PKHD1L1: variants seen among roughly 807,000 people sequenced by gnomAD.
PKHD1L1 encodes the protein fibrocystin-L.
PKHD1L1 carries 434 observed loss-of-function variants against 462.9 expected under a neutral mutation model. That is an observed-to-expected ratio of 0.94 (90% CI 0.87 to 1.02). The LOEUF is 1.02. Among genes scored for constraint, PKHD1L1 ranks in the 50% least tolerant of loss-of-function variants. The pLI is 0.00. For synonymous variants in PKHD1L1, 1,781 were observed against 1,750.0 expected (o/e 1.02, Z -0.44); for missense variants, 5,202 against 5,096.1 (o/e 1.02, Z -0.63).
chr8:109,369,756 T>C (rs1368158408), intron 2 of PKHD1L1, among the ~76,000 whole-genome samples: 3 of 152,240 alleles, frequency 2.0e-5, no homozygotes, highest in East Asian at 1.9e-4. Context: ...ATAAGCAAAG[T>C]TGACAAAAGG....
Position 109,406,353 on chromosome 8 carries a change from C to T in PKHD1L1, c.1688C>T (p.Ala563Val), listed in dbSNP as rs1306230488. The change falls in exon 17 of 78, where the codon GCT becomes GTT. Residue 563 changes from alanine (A) to valine (V), a missense_variant. Physicochemically the swap from Ala to Val is moderately conservative, Grantham distance 64 (BLOSUM62 0). Around this residue, in one of 3 missense-constraint regions of PKHD1L1, gnomAD observed 4,497 missense variants for 4,336.8 expected, o/e 1.04. Coordinates refer to ENST00000378402, the MANE Select transcript of PKHD1L1 (RefSeq NM_177531.6). ...MEKTVFLPAD[A>V]SEFILQSALN... Reference sequence around the variant, plus strand: ...ATCAAAGTCTTCCTACCTGCTGATGCTTCTGAATTCATACTGCAATCAGCC... The same window carrying T: ...ATCAAAGTCTTCCTACCTGCTGATGTTTCTGAATTCATACTGCAATCAGCC... The T allele has an allele frequency of 6.4e-7, 1 of 1,551,950 alleles. No homozygotes were observed. The highest frequency in any genetic ancestry group is 8.7e-7 in the Non-Finnish European group (1 of 1,147,458).
At chr8:109,476,743 A>G in intron 52 of PKHD1L1, 76 bp downstream of exon 52, 1 of 1,353,406 alleles carries the variant, frequency 7.4e-7, no homozygotes, top group Non-Finnish European at 1.0e-6. Flanking sequence ...TTAATAAGCA[A>G]ATGTGTTGTG....
chr8:109,527,112 T>C (rs1485700011), intron 77 of PKHD1L1, 92 bp downstream of exon 77: 3 of 1,065,188 alleles, frequency 2.8e-6, no homozygotes, highest in Non-Finnish European at 4.1e-6. Context: ...TTGTGCATGA[T>C]ATCACTGTGT....
Position 109,430,024 on chromosome 8 carries a change from A to G in PKHD1L1, c.3216A>G (p.Ile1072Met). The change falls in exon 27 of 78, where the codon ATA becomes ATG. Residue 1072 changes from isoleucine to methionine, a missense_variant. Physicochemically the swap from Ile to Met is conservative, Grantham distance 10 (BLOSUM62 1). Coordinates refer to ENST00000378402, the MANE Select transcript of PKHD1L1 (RefSeq NM_177531.6). The stretch of plus-strand genomic sequence containing the variant: ...ACATTACTCCCCTAGTCTTGGCGAT[A>G]AGCCCTTCTCAAGGTAACTTCCTGA... Reference protein sequence around the residue: ...DSNITPLVLAISPSQGSYEEG... With the variant: ...DSNITPLVLAMSPSQGSYEEG... 1 of 1,606,212 alleles carries G rather than the reference A, an allele frequency of 6.2e-7. No individual in the cohort carries two copies. Among genetic ancestry groups the G allele is most frequent in the Non-Finnish European group, 8.5e-7 (1 of 1,177,152 alleles).
chr8:109,364,436 G>A lies in PKHD1L1; in HGVS notation c.74-111G>A, dbSNP rs918624127. 6.4e-6 allele frequency: 5 copies of A among 783,088 alleles called. 1 individual carries two copies. The highest frequency in any genetic ancestry group is 1.0e-5 in the Non-Finnish European group (5 of 483,542). The allele number at this position is 783,088 out of a possible 1,614,324, so 48.5% of individuals were successfully genotyped here. A position where few individuals can be genotyped will look rare whatever the true frequency, so the allele number is the denominator to read the frequency against. The stretch of plus-strand genomic sequence containing the variant: ...CTGGGTGAATTTTACTTTCAATCCT[G>A]TAAACTTCATAATGTTTTCCTTGCA... On this transcript the variant is annotated intron_variant, in intron 1 of 77. Transcript: ENST00000378402.
chr8:109,524,152 C>A (rs917211903), intron 76 of PKHD1L1, among the ~76,000 whole-genome samples: 1 of 152,118 alleles, frequency 6.6e-6, no homozygotes, highest in East Asian at 1.9e-4. Flanking sequence ...AAACCGCTTA[C>A]GTTTGAGAAA....
Position 109,362,541 on chromosome 8 carries a change from T to TGCGA in PKHD1L1, c.-36_-33dup. 1 of 1,550,470 alleles carries TGCGA rather than the reference T, an allele frequency of 6.4e-7. No homozygotes were observed. The highest frequency in any genetic ancestry group is 8.8e-7 in the Non-Finnish European group (1 of 1,140,116). On this transcript the variant is annotated 5_prime_UTR_variant, in exon 1 of 78. Transcript: ENST00000378402. ...GCCGAGCTCCAGCACTAGAGCCAGC[T>TGCGA]GCGAGCGGAGGGCACCAACTCCGCA...
At chr8:109,399,104 G>A (rs577416787) in intron 12 of PKHD1L1, among the ~76,000 whole-genome samples, 12 of 152,178 alleles carry the variant, frequency 7.9e-5, no homozygotes, top group East Asian at 5.8e-4. Flanking sequence ...TGTTCGCACC[G>A]TGAATGTTGT....
intron 2 of PKHD1L1, among the ~76,000 whole-genome samples, chr8:109,368,714 T>G (rs1398837675): frequency 6.6e-6 from 1 of 152,202 alleles, no homozygotes; most frequent in Admixed American, 6.5e-5. Flanking sequence ...AAGTGCTGGC[T>G]TTAATAACAC....
intron 11 of PKHD1L1, among the ~76,000 whole-genome samples, chr8:109,398,246 A>T (rs895586080): frequency 2.0e-5 from 3 of 152,118 alleles, no homozygotes; most frequent in African/African-American, 7.2e-5. Flanking sequence ...CAGTCTTGTG[A>T]TTTTCCACCA....
intron 2 of PKHD1L1, among the ~76,000 whole-genome samples, chr8:109,381,165 C>A (rs1003862229): frequency 1.3e-5 from 2 of 152,102 alleles, no homozygotes; most frequent in African/African-American, 4.8e-5. Flanking sequence ...TACCCTCCAG[C>A]AATACTTTTA....
intron 23 of PKHD1L1, 60 bp from the exon 24 acceptor site, chr8:109,425,025 G>C (rs1236767714): frequency 7.5e-7 from 1 of 1,326,068 alleles, no homozygotes; most frequent in African/African-American, 1.5e-5. Context: ...TGATGAAATA[G>C]AAATCATGTA....
chr8:109,432,544 C>G (rs1041071325), intron 27 of PKHD1L1, among the ~76,000 whole-genome samples: 5 of 152,026 alleles, frequency 3.3e-5, no homozygotes, highest in African/African-American at 7.3e-5. Context: ...ATCTATCTAT[C>G]TATAATTTGT....
Position 109,420,564 on chromosome 8 carries a change from C to G in PKHD1L1, c.2571C>G (p.Phe857Leu). ...RLPALANKGI[F>L]LEHFQVNQTK... is the part of the protein sequence containing the mutation. ...CTGCATTAGCAAATAAAGGAATATT[C>G]TTAGAGCACTTTCAGGTGAATCAGA... The change falls in exon 23 of 78, where the codon TTC becomes TTG. Residue 857 changes from phenylalanine (F) to leucine (L), a missense_variant. Transcript: ENST00000378402. 1.1e-5 allele frequency: 17 copies of G among 1,608,428 alleles called. No individual in the cohort carries two copies. Among genetic ancestry groups the G allele is most frequent in the Non-Finnish European group, 1.4e-5 (16 of 1,177,756 alleles).
intron 28 of PKHD1L1, 139 bp from the exon 29 acceptor site, chr8:109,435,051 T>TGGGGGA: frequency 1.2e-6 from 1 of 802,984 alleles, no homozygotes. Flanking sequence ...CCCCACACAT[T>TGGGGGA]AATATATGAT....
intron 2 of PKHD1L1, among the ~76,000 whole-genome samples, chr8:109,368,025 C>T (rs1007236683): frequency 6.6e-6 from 1 of 152,158 alleles, no homozygotes; most frequent in African/African-American, 2.4e-5. Flanking sequence ...ATTATACCTC[C>T]CTCTGAGATG....
chr8:109,436,541 T>A, intron 30 of PKHD1L1, 82 bp downstream of exon 30: 11 of 1,548,052 alleles, frequency 7.1e-6, no homozygotes, highest in African/African-American at 1.4e-5. Context: ...GGGCGGGGGG[T>A]GAAACAAGTG....
At chr8:109,396,203 G>A in intron 11 of PKHD1L1, 66 bp downstream of exon 11, 1 of 1,087,026 alleles carries the variant, frequency 9.2e-7, no homozygotes, top group South Asian at 1.4e-5. Flanking sequence ...TTAATAATTT[G>A]TAATAATAAT....
chr8:109,450,632 G>A (rs1171517749), intron 40 of PKHD1L1, among the ~76,000 whole-genome samples: 1 of 152,172 alleles, frequency 6.6e-6, no homozygotes, highest in Non-Finnish European at 1.5e-5. Flanking sequence ...GCTGTTGTCA[G>A]TGTGCCTGCC....
Sources: allele counts gnomAD v4.1 joint callset (sites outside exome capture counted in the v4.1 genomes callset), GRCh38; gene constraint gnomAD v4.1.1; regional missense constraint gnomAD v4.1.1; transcripts MANE v1.5; gene names NCBI Gene and HGNC (gene_info 2026-07-23, HGNC 2026-07-21).